The following VPS35L variants were observed in gnomAD, a reference collection of about 807,000 sequenced individuals.
VPS35L encodes the protein VPS35 endosomal protein sorting factor like.
In VPS35L, 83 loss-of-function variants were observed where a neutral mutation model predicts 133.0. The ratio of observed to expected loss-of-function variants is 0.62; its 90% CI spans 0.52 to 0.75. The LOEUF (loss-of-function observed/expected upper bound fraction) is 0.75. VPS35L is among the 30% of genes least tolerant of loss of function. The pLI, the probability that VPS35L is intolerant of heterozygous loss-of-function variation, is 0.00. For synonymous variants in VPS35L, 423 were observed against 449.9 expected, an observed-to-expected ratio of 0.94 and a Z score of 0.76; for missense variants, 1,083 against 1,206.8, an observed-to-expected ratio of 0.90 and a Z score of 1.52.
At position 19,669,191 on chromosome 16, in the gene VPS35L, T is replaced by C. The variant is rs2151605283; in HGVS notation, c.2253T>C (p.Leu751=). The part of the protein sequence containing the change: ...ADAFFKAAIS[L]VPEVPKMINI... ...CTTTTTTCAAAGCCGCTATAAGCCT[T>C]GTTCCGGAAGTTCCAAAGATGATTA... The change falls in exon 27 of 31, where the codon CTT becomes CTC. Residue 751 remains leucine (L), a synonymous_variant. Coordinates refer to ENST00000417362, the MANE Select transcript of VPS35L (RefSeq NM_020314.7). 6.2e-7 allele frequency: 1 copy of C among 1,611,822 alleles called. No individual in the cohort carries two copies. Among genetic ancestry groups the C allele is most frequent in the South Asian group, 1.1e-5 (1 of 90,878 alleles).
At chr16:19,609,766 TG>T (rs1313864833) in intron 11 of VPS35L, among the ~76,000 whole-genome samples, 3 of 152,132 alleles carry the variant, frequency 2.0e-5, no homozygotes. Context: ...TGGAATAGTT[TG>T]GGGGAATAAC....
In VPS35L at chr16:19,639,597, G is replaced by A. The variant is rs1567446049; in HGVS notation, c.1699-418G>A. On this transcript the variant is annotated intron_variant, in intron 20 of 30. Coordinates refer to ENST00000417362, the MANE Select transcript of VPS35L (RefSeq NM_020314.7). This position sits in a 1 kb window ranked among gnomAD's most constrained non-coding sequence, Gnocchi z 4.1. ...GGCTAGAGTGCAGTGGAGTGATCTC[G>A]GTTCACTGCAACTTCCGCCTTCCCG... Among the ~76,000 whole-genome samples the A allele has an allele frequency of 1.3e-5, 2 of 152,094 alleles. No homozygotes were observed. Among genetic ancestry groups the A allele is most frequent in the African/African-American group, 4.8e-5 (2 of 41,418 alleles).
intron 9 of VPS35L, 122 bp downstream of exon 9, chr16:19,601,845 A>G: frequency 1.0e-6 from 1 of 954,820 alleles, no homozygotes; most frequent in East Asian, 2.7e-5. Context: ...TTAAAGTAAA[A>G]GAAACACCTT....
At chr16:19,626,266 G>T in intron 15 of VPS35L, 43 bp downstream of exon 15, 1 of 1,446,562 alleles carries the variant, frequency 6.9e-7, no homozygotes, top group Non-Finnish European at 9.7e-7. Context: ...TGAAAATGGC[G>T]TTGGCTGCTA....
chr16:19,649,778 T>C (rs1219151697), intron 24 of VPS35L, among the ~76,000 whole-genome samples: 1 of 152,228 alleles, frequency 6.6e-6, no homozygotes, highest in Non-Finnish European at 1.5e-5. Flanking sequence ...ATTTGTTTGC[T>C]GGTTAGCAAG....
intron 28 of VPS35L, among the ~76,000 whole-genome samples, chr16:19,688,722 G>A (rs1410213420): frequency 2.6e-5 from 4 of 152,218 alleles, no homozygotes; most frequent in African/African-American, 9.6e-5. Context: ...AGCCGGTTAT[G>A]CTCGGCCACA....
intron 22 of VPS35L, 110 bp from the exon 23 acceptor site, chr16:19,644,776 A>G (rs1973885610): frequency 1.5e-6 from 1 of 653,254 alleles, no homozygotes; most frequent in Non-Finnish European, 2.4e-6. Context: ...TTAAATCTAG[A>G]AAATGCAAAA....
intron 14 of VPS35L, among the ~76,000 whole-genome samples, chr16:19,625,207 A>G (rs2151562874): frequency 6.6e-6 from 1 of 152,254 alleles, no homozygotes; most frequent in East Asian, 1.9e-4. Context: ...GCCATCACTA[A>G]CTGTGCGACC....
At chr16:19,575,037 G>T in intron 4 of VPS35L, 61 bp from the exon 5 acceptor site, 1 of 1,419,738 alleles carries the variant, frequency 7.0e-7, no homozygotes, top group Non-Finnish European at 9.7e-7. Flanking sequence ...GGCTCTGTTG[G>T]AAAACAATGA....
chr16:19,644,123 A>G (rs2151580441), intron 22 of VPS35L, among the ~76,000 whole-genome samples: 1 of 152,272 alleles, frequency 6.6e-6, no homozygotes, highest in South Asian at 2.1e-4. Context: ...ACTTTGGGGA[A>G]CTATTTATTC....
Position 19,601,530 on chromosome 16 carries a change from C to A in VPS35L, c.725-134C>A, listed in dbSNP as rs531585161. ...AAATGTGGCTTAAAATCTGTCCCAC[C>A]AGGTGGCAGCATACCATCACAAGTT... On this transcript the variant is annotated intron_variant, in intron 8 of 30. Coordinates refer to ENST00000417362, the MANE Select transcript of VPS35L (RefSeq NM_020314.7). 1.2e-4 allele frequency: 92 copies of A among 769,714 alleles called. No homozygotes were observed. In the Middle Eastern group the frequency reaches 1.2e-3, roughly 10 times the overall value. The allele number at this position is 769,714 out of a possible 1,614,324, so 47.7% of individuals were successfully genotyped here.
chr16:19,638,354 C>T (rs560379261), intron 20 of VPS35L, among the ~76,000 whole-genome samples: 58 of 152,314 alleles, frequency 3.8e-4, no homozygotes, highest in African/African-American at 1.3e-3. Context: ...CATACCACCA[C>T]GGGGAAGTAG....
Position 19,575,112 on chromosome 16 carries a change from A to G in VPS35L, c.423A>G (p.Gly141=), listed in dbSNP as rs747957187. The G allele has an allele frequency of 6.2e-7, 1 of 1,607,486 alleles. No individual in the cohort carries two copies. Among genetic ancestry groups the G allele is most frequent in the South Asian group, 1.1e-5 (1 of 90,074 alleles). Residue 141 remains glycine (G), a synonymous_variant, in exon 5 of 31, where the codon GGA becomes GGG. Coordinates refer to ENST00000417362, the MANE Select transcript of VPS35L (RefSeq NM_020314.7). The part of the protein sequence containing the change: ...TEKLSINLFM[G]SEKGKAGTAT... Reference sequence around the variant, plus strand: ...TGTCTCTGCAGAATCTGTTTATGGGATCTGAAAAAGGTAAGATGAGTTTGT... The same window carrying G: ...TGTCTCTGCAGAATCTGTTTATGGGGTCTGAAAAAGGTAAGATGAGTTTGT...
At chr16:19,631,623 C>T (rs1052128974) in intron 18 of VPS35L, among the ~76,000 whole-genome samples, 1 of 152,186 alleles carries the variant, frequency 6.6e-6, no homozygotes, top group Non-Finnish European at 1.5e-5. Flanking sequence ...TGTCCCCTGA[C>T]CCCTGGAATA....
intron 26 of VPS35L, among the ~76,000 whole-genome samples, chr16:19,663,108 G>A (rs968651110): frequency 6.6e-6 from 1 of 152,020 alleles, no homozygotes; most frequent in Non-Finnish European, 1.5e-5. Context: ...TCAGGAGTTC[G>A]AGATCAGCCT....
chr16:19,649,012 G>A (rs1974043301), intron 24 of VPS35L, among the ~76,000 whole-genome samples: 1 of 151,706 alleles, frequency 6.6e-6, no homozygotes, highest in Admixed American at 6.6e-5. Context: ...TTTTGAGCTG[G>A]AGTTCTTGCT....
At chr16:19,665,886 G>A (rs1391999513) in intron 26 of VPS35L, among the ~76,000 whole-genome samples, 36 of 152,054 alleles carry the variant, frequency 2.4e-4, no homozygotes, top group Admixed American at 2.4e-3. Flanking sequence ...ACTGGGGTTC[G>A]ATGATATCTC....
At chr16:19,697,504 T>A (rs1975956931) in intron 29 of VPS35L, among the ~76,000 whole-genome samples, 1 of 152,070 alleles carries the variant, frequency 6.6e-6, no homozygotes, top group African/African-American at 2.4e-5. Flanking sequence ...TCAGCTAATT[T>A]TTTTTTTCTT....
chr16:19,682,619 TG>T (rs371657532), intron 28 of VPS35L, among the ~76,000 whole-genome samples: 1 of 152,202 alleles, frequency 6.6e-6, no homozygotes, highest in African/African-American at 2.4e-5. Context: ...CCCAGCACTT[TG>T]GGAGGCCAAG....
Sources: gnomAD v4.1 joint callset for allele counts (sites outside exome capture counted in the v4.1 genomes callset) on GRCh38, gnomAD v4.1.1 for gene constraint, Gnocchi (gnomAD v3.1) non-coding constraint, MANE v1.5 for transcripts, NCBI Gene and HGNC (gene_info 2026-07-23, HGNC 2026-07-21) for gene names.